CUL4B: variants seen among roughly 807,000 people sequenced by gnomAD.
CUL4B encodes cullin-4B.
In CUL4B, 1 loss-of-function variant was observed where a neutral mutation model predicts 69.2. The ratio of observed to expected loss-of-function variants is 0.01; its 90% CI spans 0.01 to 0.07. The LOEUF (loss-of-function observed/expected upper bound fraction) is 0.07, where lower values mean the gene tolerates loss of function less well. Among genes scored for constraint, CUL4B ranks in the 10% least tolerant of loss-of-function variants. The pLI, the probability that CUL4B is intolerant of heterozygous loss-of-function variation, is 1.00. For synonymous variants in CUL4B, 237 were observed against 223.2 expected, an observed-to-expected ratio of 1.06 and a Z score of -0.55; for missense variants, 328 against 638.8, an observed-to-expected ratio of 0.51 and a Z score of 5.24.
At chrX:120,551,975 A>G (rs1485323703) in intron 2 of CUL4B, among the ~76,000 whole-genome samples, 6 of 111,764 alleles carry the variant, frequency 5.4e-5, no homozygotes, top group African/African-American at 2.0e-4. Flanking sequence ...GTTTGAGATA[A>G]GCTCTATTTT....
chrX:120,549,723 G>T (rs1569393739), intron 2 of CUL4B, among the ~76,000 whole-genome samples: 4 of 111,457 alleles, frequency 3.6e-5, no homozygotes, highest in Non-Finnish European at 7.5e-5. Context: ...GTGACCTGGG[G>T]CTAGGCCACA....
intron 4 of CUL4B, among the ~76,000 whole-genome samples, chrX:120,545,784 C>T (rs1276900233): frequency 5.8e-5 from 6 of 103,476 alleles, no homozygotes; most frequent in Non-Finnish European, 9.8e-5. Context: ...ATCAAGGGGA[C>T]GCTCATATAA....
chrX:120,534,116 T>C (rs754033826), intron 17 of CUL4B, among the ~76,000 whole-genome samples: 14 of 108,852 alleles, frequency 1.3e-4, no homozygotes, highest in African/African-American at 3.0e-4. Flanking sequence ...ATGCCTGTAA[T>C]TGCAGTACTT....
At chrX:120,553,769 C>T (rs952183374) in intron 2 of CUL4B, among the ~76,000 whole-genome samples, 13 of 110,866 alleles carry the variant, frequency 1.2e-4, no homozygotes, top group African/African-American at 3.9e-4. Context: ...CAAAACACTG[C>T]GGCTACTCAT....
chrX:120,556,398 G>T (rs1453733277), intron 2 of CUL4B, among the ~76,000 whole-genome samples: 1 of 111,942 alleles, frequency 8.9e-6, no homozygotes, highest in East Asian at 2.8e-4. Context: ...TTGTAAAAAA[G>T]TTTGACTCGT....
chrX:120,560,790 GCT>G lies in CUL4B; in HGVS notation c.-154_-153del. On this transcript the variant is annotated 5_prime_UTR_variant, in exon 1 of 20. Transcript: ENST00000371322. ...GACGAGAAGGAAAGTGAAGGGGGGG[GCT>G]ACACCGGGGGAATGGGAGGGTTTGG... The G allele has an allele frequency of 8.0e-6, 2 of 250,760 alleles. No individual in the cohort carries two copies. Among genetic ancestry groups the G allele is most frequent in the Non-Finnish European group, 6.1e-6 (1 of 164,384 alleles). The allele number at this position is 250,760 out of a possible 1,213,427, so 20.7% of individuals were successfully genotyped here. A position where few individuals can be genotyped will look rare whatever the true frequency, so the allele number is the denominator to read the frequency against.
At chrX:120,569,700 G>T (rs908786778), downstream of CUL4B, among the ~76,000 whole-genome samples, 1 of 111,729 alleles carries the variant, frequency 9.0e-6, no homozygotes, top group Admixed American at 9.5e-5. Context: ...GGTGGGTAAG[G>T]CAGACAATTA....
At chrX:120,536,767 G>C (rs1390024573) in intron 15 of CUL4B, among the ~76,000 whole-genome samples, 160 bp downstream of exon 15, 4 of 111,592 alleles carry the variant, frequency 3.6e-5, no homozygotes, top group African/African-American at 1.3e-4. Flanking sequence ...AGGCTGAGGC[G>C]GGGGGGATCA....
chrX:120,560,348 T>C lies in CUL4B; in HGVS notation c.291A>G (p.Ile97Met), dbSNP rs779144333. 1.7e-6 allele frequency: 2 copies of C among 1,208,709 alleles called. No homozygotes were observed. The highest frequency in any genetic ancestry group is 2.2e-5 in the Admixed American group (1 of 45,861). ...TGTCTTCAAAACGCAGCTTCTTCTG[T>C]ATCGGTACGTGGCTGGAAGCAGCCA... ...VSVAASSHVP[I>M]QKKLRFEDTL... The change falls in exon 1 of 20, where the codon ATA (isoleucine) becomes ATG (methionine). Residue 97 changes from isoleucine (I) to methionine (M), a missense_variant. Around this residue, in one of 4 missense-constraint regions of CUL4B, gnomAD observed 102 missense variants for 122.1 expected, o/e 0.84. Transcript: ENST00000371322.
chrX:120,567,972 G>T (rs1188513914), downstream of CUL4B, among the ~76,000 whole-genome samples: 1 of 111,748 alleles, frequency 8.9e-6, no homozygotes, highest in East Asian at 2.8e-4. Context: ...TTTGAATGGG[G>T]CTGATAAGCA....
chrX:120,565,813 C>T (rs186102606), upstream of CUL4B, among the ~76,000 whole-genome samples: 907 of 100,139 alleles, frequency 9.1e-3, 4 homozygotes, highest in Non-Finnish European at 0.015. Context: ...GCAAGCTCCG[C>T]CTCCCGGGTT....
upstream of CUL4B, among the ~76,000 whole-genome samples, chrX:120,564,614 A>C (rs761809709): frequency 5.3e-5 from 6 of 112,609 alleles, no homozygotes; most frequent in East Asian, 2.8e-4. Context: ...TCAAAAAAAA[A>C]CAAAAACCTT....
downstream of CUL4B, among the ~76,000 whole-genome samples, chrX:120,566,915 C>T (rs1339968274): frequency 1.8e-5 from 2 of 110,420 alleles, no homozygotes; most frequent in African/African-American, 6.6e-5. Context: ...ATGACTTCTC[C>T]CTTGGGTGCT....
At chrX:120,544,460 T>A in intron 6 of CUL4B, 21 bp downstream of exon 6, 1 of 1,205,456 alleles carries the variant, frequency 8.3e-7, no homozygotes, top group Non-Finnish European at 1.1e-6. Context: ...CTCTGTATAG[T>A]AGGTGTAGTA....
upstream of CUL4B, among the ~76,000 whole-genome samples, chrX:120,562,099 A>G (rs2147352523): frequency 9.0e-6 from 1 of 111,600 alleles, no homozygotes; most frequent in South Asian, 3.7e-4. Context: ...CACTATGCCC[A>G]GGATCGTCCT....
chrX:120,565,820 G>A (rs1925489254), upstream of CUL4B, among the ~76,000 whole-genome samples: 1 of 100,813 alleles, frequency 9.9e-6, no homozygotes, highest in Non-Finnish European at 2.0e-5. Flanking sequence ...CCGCCTCCCG[G>A]GTTCATGCCA....
downstream of CUL4B, among the ~76,000 whole-genome samples, chrX:120,571,009 C>A (rs976985007): frequency 2.6e-4 from 20 of 76,220 alleles, no homozygotes; most frequent in Non-Finnish European, 4.3e-4. Context: ...CTGAGCAACA[C>A]AGGGAGATAA....
chrX:120,563,749 C>G (rs753567527), upstream of CUL4B, among the ~76,000 whole-genome samples: 116 of 111,974 alleles, frequency 1.0e-3, no homozygotes, highest in Non-Finnish European at 1.3e-3. Flanking sequence ...CAAGGTTGTT[C>G]TAATTCATGT....
At chrX:120,558,165 C>T in intron 1 of CUL4B, 126 bp from the exon 2 acceptor site, 1 of 463,198 alleles carries the variant, frequency 2.2e-6, no homozygotes, top group Non-Finnish European at 3.8e-6. Flanking sequence ...TACACCTAAT[C>T]ATTAAAGTAA....
Sources: allele counts gnomAD v4.1 joint callset (sites outside exome capture counted in the v4.1 genomes callset), GRCh38; gene constraint gnomAD v4.1.1; regional missense constraint gnomAD v4.1.1; transcripts MANE v1.5; gene names NCBI Gene and HGNC (gene_info 2026-07-23, HGNC 2026-07-21).